The following DENND1A variants were observed in gnomAD, a reference collection of about 807,000 sequenced individuals.
DENND1A encodes the protein DENN domain-containing protein 1A.
In DENND1A, 51 loss-of-function variants were observed where a neutral mutation model predicts 113.7. The observed-to-expected ratio is 0.45, with a 90% CI of 0.36 to 0.57. DENND1A has a LOEUF of 0.57. DENND1A is among the 20% of genes least tolerant of loss of function. The pLI is 0.00. For missense variants in DENND1A, 1,258 were observed against 1,395.9 expected (o/e 0.90, Z 1.57); for synonymous variants, 565 against 570.8 (o/e 0.99, Z 0.14).
chr9:123,578,913 A>T (rs2058752427), intron 12 of DENND1A, among the ~76,000 whole-genome samples: 1 of 152,056 alleles, frequency 6.6e-6, no homozygotes, highest in African/African-American at 2.4e-5. Context: ...TTGAAGAATG[A>T]GTGAGAGATT....
At chr9:123,564,980 CTTTTT>C (rs199613371) in intron 12 of DENND1A, among the ~76,000 whole-genome samples, 4 of 75,746 alleles carry the variant, frequency 5.3e-5, no homozygotes, top group African/African-American at 1.6e-4. Flanking sequence ...TCTGTCCCTT[CTTTTT>C]TTTTTTTTTT....
At chr9:123,672,454 G>A (rs1395608171) in intron 6 of DENND1A, among the ~76,000 whole-genome samples, 1 of 152,126 alleles carries the variant, frequency 6.6e-6, no homozygotes, top group Non-Finnish European at 1.5e-5. Flanking sequence ...AGAATGAGCT[G>A]CCAAGATTAC....
intron 3 of DENND1A, among the ~76,000 whole-genome samples, chr9:123,777,274 C>T (rs1247071340): frequency 6.6e-6 from 1 of 152,218 alleles, no homozygotes; most frequent in African/African-American, 2.4e-5. Context: ...TTCTGTATAG[C>T]TGTGTTTGCC....
At chr9:123,658,346 A>C (rs1410636775) in intron 8 of DENND1A, among the ~76,000 whole-genome samples, 2 of 152,236 alleles carry the variant, frequency 1.3e-5, no homozygotes, top group Non-Finnish European at 2.9e-5. Context: ...TTATTACTAC[A>C]TAACTGTTCA....
At chr9:123,506,045 G>A (rs901442802) in intron 13 of DENND1A, among the ~76,000 whole-genome samples, 4 of 151,842 alleles carry the variant, frequency 2.6e-5, no homozygotes, top group African/African-American at 4.8e-5. Context: ...AAACACCTCC[G>A]AGAGCCCACA....
chr9:123,664,612 C>T (rs1362530543), intron 8 of DENND1A, among the ~76,000 whole-genome samples: 2 of 152,054 alleles, frequency 1.3e-5, no homozygotes, highest in Admixed American at 1.3e-4. Context: ...GTTTTGGCCA[C>T]ATCCCTAAGG....
chr9:123,914,427 T>C (rs1166622429), intron 1 of DENND1A, among the ~76,000 whole-genome samples: 1 of 150,002 alleles, frequency 6.7e-6, no homozygotes, highest in Non-Finnish European at 1.5e-5. Context: ...TGTATGTAGT[T>C]CCAGCTACTC....
chr9:123,407,444 ACT>A (rs2043962994), intron 20 of DENND1A, among the ~76,000 whole-genome samples: 1 of 152,014 alleles, frequency 6.6e-6, no homozygotes, highest in African/African-American at 2.4e-5. Context: ...TGACTCACAC[ACT>A]CACACACACA....
chr9:123,455,695 G>C (rs560776862), intron 15 of DENND1A, among the ~76,000 whole-genome samples: 3 of 152,204 alleles, frequency 2.0e-5, no homozygotes, highest in African/African-American at 7.2e-5. Context: ...CCCTCGGAGA[G>C]TGAGACAGAA....
At chr9:123,507,729 C>T (rs1184570363) in intron 13 of DENND1A, among the ~76,000 whole-genome samples, 3 of 151,298 alleles carry the variant, frequency 2.0e-5, no homozygotes, top group African/African-American at 7.3e-5. Flanking sequence ...GTTGCAGACT[C>T]CTGCAGCCCT....
intron 2 of DENND1A, among the ~76,000 whole-genome samples, chr9:123,851,363 T>G (rs1843335310): frequency 6.6e-6 from 1 of 152,264 alleles, no homozygotes; most frequent in Non-Finnish European, 1.5e-5. Flanking sequence ...AGCAATACCT[T>G]GTTCCTTTTT....
intron 13 of DENND1A, among the ~76,000 whole-genome samples, chr9:123,556,517 T>A (rs920528355): frequency 6.6e-6 from 1 of 152,192 alleles, no homozygotes; most frequent in African/African-American, 2.4e-5. Context: ...TTGTCTCACA[T>A]CCCCTCATCT....
chr9:123,507,417 G>C (rs1378016748), intron 13 of DENND1A, among the ~76,000 whole-genome samples: 1 of 152,176 alleles, frequency 6.6e-6, no homozygotes, highest in East Asian at 1.9e-4. Context: ...AATCACTGAG[G>C]CTAACAATAG....
chr9:123,844,197 C>G (rs1017109172), intron 2 of DENND1A, among the ~76,000 whole-genome samples: 1 of 152,184 alleles, frequency 6.6e-6, no homozygotes, highest in South Asian at 2.1e-4. Flanking sequence ...CTATTCAACA[C>G]TGTATTGGAG....
At chr9:123,719,230 G>A (rs16926775) in intron 5 of DENND1A, among the ~76,000 whole-genome samples, 12,203 of 152,192 alleles carry the variant, frequency 0.08, 523 homozygotes, top group Admixed American at 0.11. Flanking sequence ...CCAAGTTTTC[G>A]TAGCCCTGTA....
chr9:123,551,628 C>CG (rs1257953341), intron 13 of DENND1A, among the ~76,000 whole-genome samples: 1 of 152,164 alleles, frequency 6.6e-6, no homozygotes, highest in Non-Finnish European at 1.5e-5. Context: ...GGAAGCAACT[C>CG]GGAGTTGAAC....
intron 11 of DENND1A, among the ~76,000 whole-genome samples, chr9:123,587,461 A>G (rs1473139546): frequency 6.6e-6 from 1 of 152,244 alleles, no homozygotes; most frequent in Non-Finnish European, 1.5e-5. Flanking sequence ...AACCAGTTAG[A>G]CCAGAAATTC....
chr9:123,696,303 G>T (rs1470264974), intron 5 of DENND1A, among the ~76,000 whole-genome samples: 1 of 152,190 alleles, frequency 6.6e-6, no homozygotes, highest in Non-Finnish European at 1.5e-5. Context: ...GGCAGTTCCT[G>T]TACTTTAAAT....
At chr9:123,847,351 G>T (rs1231926929) in intron 2 of DENND1A, among the ~76,000 whole-genome samples, 1 of 151,898 alleles carries the variant, frequency 6.6e-6, no homozygotes, top group African/African-American at 2.4e-5. Flanking sequence ...TAAGTCCTCA[G>T]ATTCAAAAAG....
Sources: allele counts gnomAD v4.1 joint callset (sites outside exome capture counted in the v4.1 genomes callset), GRCh38; gene constraint gnomAD v4.1.1; transcripts MANE v1.5; gene names NCBI Gene and HGNC (gene_info 2026-07-23, HGNC 2026-07-21).